LRP1B: variants seen among roughly 807,000 people sequenced by gnomAD.
LRP1B encodes LDL receptor related protein 1B, also known as low-density lipoprotein receptor-related protein 1B.
A neutral mutation model predicts 556.6 loss-of-function variants in LRP1B; 217 were observed. The ratio of observed to expected loss-of-function variants is 0.39; its 90% CI spans 0.35 to 0.44. The LOEUF (loss-of-function observed/expected upper bound fraction) is 0.44. LRP1B is among the 20% of genes least tolerant of loss of function. The pLI is 1.00. For synonymous variants in LRP1B, 2,047 were observed against 1,865.8 expected (o/e 1.10, Z -2.50); for missense variants, 5,053 against 5,620.8 (o/e 0.90, Z 3.23).
intron 3 of LRP1B, among the ~76,000 whole-genome samples, chr2:141,389,654 C>T (rs11887893): frequency 6.6e-6 from 1 of 151,976 alleles, no homozygotes; most frequent in Non-Finnish European, 1.5e-5. Flanking sequence ...AAATTAAAAC[C>T]CTTTGGTGCA....
At chr2:140,515,445 T>C (rs1246603591) in intron 50 of LRP1B, among the ~76,000 whole-genome samples, 1 of 151,994 alleles carries the variant, frequency 6.6e-6, no homozygotes, top group East Asian at 1.9e-4. Context: ...AATTTTGTTA[T>C]TGCTCTCCTC....
chr2:141,675,887 T>C (rs1690856488), intron 2 of LRP1B, among the ~76,000 whole-genome samples: 1 of 151,974 alleles, frequency 6.6e-6, no homozygotes, highest in Admixed American at 6.6e-5. Context: ...TTTACACCAA[T>C]TTTTTATTTT....
intron 18 of LRP1B, among the ~76,000 whole-genome samples, chr2:140,973,665 A>G (rs1205066258): frequency 6.6e-6 from 1 of 152,200 alleles, no homozygotes; most frequent in Non-Finnish European, 1.5e-5. Flanking sequence ...CCTAGAAGCT[A>G]AATAACTAAA....
intron 2 of LRP1B, among the ~76,000 whole-genome samples, chr2:141,613,862 C>T (rs922438220): frequency 4.6e-5 from 7 of 151,862 alleles, no homozygotes; most frequent in South Asian, 2.1e-4. Context: ...CACCTTAAGT[C>T]GGGAGTTCAA....
intron 2 of LRP1B, among the ~76,000 whole-genome samples, chr2:141,612,930 G>C (rs1688159634): frequency 1.3e-5 from 2 of 151,906 alleles, no homozygotes; most frequent in Admixed American, 1.3e-4. Context: ...AGCCTCCCGA[G>C]TAGCTGGGAC....
intron 6 of LRP1B, among the ~76,000 whole-genome samples, chr2:141,217,156 G>A (rs1014145606): frequency 2.2e-4 from 34 of 152,066 alleles, no homozygotes; most frequent in Non-Finnish European, 3.7e-4. Flanking sequence ...GGTCCTAGTG[G>A]GAGGCGTTTG....
At chr2:141,049,313 G>GT (rs764846521) in intron 10 of LRP1B, 91 bp from the exon 11 acceptor site, 19 of 824,318 alleles carry the variant, frequency 2.3e-5, no homozygotes, top group Non-Finnish European at 3.6e-5. Context: ...CACAATTAGC[G>GT]TTTTTTAAAT....
intron 2 of LRP1B, among the ~76,000 whole-genome samples, chr2:141,717,102 G>T (rs1303885854): frequency 3.3e-5 from 5 of 152,032 alleles, no homozygotes; most frequent in African/African-American, 1.2e-4. Context: ...TTTTTCTAAA[G>T]CTCAGAGGTA....
At chr2:140,949,089 A>T (rs1695628528) in intron 20 of LRP1B, among the ~76,000 whole-genome samples, 1 of 152,202 alleles carries the variant, frequency 6.6e-6, no homozygotes, top group Non-Finnish European at 1.5e-5. Context: ...TCTTTTGCTC[A>T]TGGAGTATAT....
chr2:140,993,588 T>G (rs1697153018), intron 16 of LRP1B, among the ~76,000 whole-genome samples: 1 of 152,096 alleles, frequency 6.6e-6, no homozygotes, highest in Non-Finnish European at 1.5e-5. Flanking sequence ...AAGGCTCTGT[T>G]GCCAAAGAGC....
intron 43 of LRP1B, among the ~76,000 whole-genome samples, chr2:140,565,884 C>A (rs1329825728): frequency 1.3e-5 from 2 of 152,076 alleles, no homozygotes; most frequent in Non-Finnish European, 2.9e-5. Context: ...CCAGTAGCTC[C>A]CATTAACACC....
intron 7 of LRP1B, among the ~76,000 whole-genome samples, chr2:141,109,058 G>T (rs1700682669): frequency 6.6e-6 from 1 of 152,108 alleles, no homozygotes; most frequent in Non-Finnish European, 1.5e-5. Flanking sequence ...CACTATTGTA[G>T]AACCTAAGAT....
intron 77 of LRP1B, among the ~76,000 whole-genome samples, chr2:140,343,725 G>A (rs1681512667): frequency 6.6e-6 from 1 of 151,632 alleles, no homozygotes; most frequent in Non-Finnish European, 1.5e-5. Context: ...CTAATCAAAT[G>A]ATGGTATATC....
At chr2:141,828,267 T>C (rs760518653) in intron 1 of LRP1B, among the ~76,000 whole-genome samples, 1 of 152,128 alleles carries the variant, frequency 6.6e-6, no homozygotes, top group Non-Finnish European at 1.5e-5. Flanking sequence ...TATGGTAAAA[T>C]TATGAAAAGC....
At chr2:142,081,620 C>T (rs971683480) in intron 1 of LRP1B, among the ~76,000 whole-genome samples, 1 of 152,136 alleles carries the variant, frequency 6.6e-6, no homozygotes, top group African/African-American at 2.4e-5. Context: ...TTAACAATAA[C>T]AGACTATGAC....
At chr2:140,257,352 T>C (rs539466390) in intron 86 of LRP1B, among the ~76,000 whole-genome samples, 1 of 152,122 alleles carries the variant, frequency 6.6e-6, no homozygotes, top group Non-Finnish European at 1.5e-5. Flanking sequence ...ATATAATGTA[T>C]TGGGTTTGGT....
chr2:140,401,860 C>T (rs1391560431), intron 66 of LRP1B, among the ~76,000 whole-genome samples: 3 of 152,230 alleles, frequency 2.0e-5, no homozygotes, highest in Admixed American at 6.5e-5. Context: ...CCCTGGCTAA[C>T]CAGGAGGTCC....
chr2:141,637,560 G>A lies in LRP1B; in HGVS notation c.206-157027C>T, dbSNP rs185518675. On this transcript the variant is annotated intron_variant, in intron 2 of 90. Coordinates refer to ENST00000389484, the MANE Select transcript of LRP1B (RefSeq NM_018557.3). ...CAAATGACTGATAACTAGGGATGGT[G>A]AATAAGCTCTCACTTCATGTTTGTC... 8.5e-5 allele frequency among the ~76,000 whole-genome samples: 13 copies of A among 152,276 alleles called. No individual in the cohort carries two copies. The South Asian group carries it at 1.0e-3, about 12-fold the overall frequency.
chr2:140,753,869 C>G (rs932026688), intron 35 of LRP1B, among the ~76,000 whole-genome samples: 1 of 152,108 alleles, frequency 6.6e-6, no homozygotes, highest in Non-Finnish European at 1.5e-5. Flanking sequence ...CTGTTGAATA[C>G]AGAAAGAGTT....
Sources: gnomAD v4.1 joint callset for allele counts (sites outside exome capture counted in the v4.1 genomes callset) on GRCh38, gnomAD v4.1.1 for gene constraint, MANE v1.5 for transcripts, NCBI Gene and HGNC (gene_info 2026-07-23, HGNC 2026-07-21) for gene names.